Variants in COL4A4 observed in about 807,000 individuals in gnomAD.
COL4A4 encodes the protein collagen type IV alpha 4 chain.
Under a neutral mutation model 192.9 loss-of-function variants are expected in COL4A4, and 105 were observed. That is an observed-to-expected ratio of 0.54 (90% CI 0.46 to 0.64). The LOEUF is 0.64. COL4A4 is among the 30% of genes least tolerant of loss of function. The pLI is 0.00. For synonymous variants in COL4A4, 762 were observed against 769.9 expected, an observed-to-expected ratio of 0.99 and a Z score of 0.17; for missense variants, 1,967 against 2,169.3, an observed-to-expected ratio of 0.91 and a Z score of 1.85.
chr2:227,030,916 AGATGGATGGATGGATG>A lies in COL4A4; in HGVS notation c.3818-334_3818-319del, dbSNP rs10689496. Among the ~76,000 whole-genome samples, 603 of 145,898 alleles carry A rather than the reference AGATGGATGGATGGATG, an allele frequency of 4.1e-3. 2 individuals carry two copies. The highest frequency in any genetic ancestry group is 5.9e-3 in the Non-Finnish European group (391 of 66,442). The stretch of plus-strand genomic sequence containing the variant: ...GCATTGCCATCTTACTGCTTTAATA[AGATGGATGGATGGATG>A]GATGGATGGATGGATGGATGGATGG... On this transcript the variant is annotated intron_variant, in intron 40 of 47. Coordinates refer to ENST00000396625, the MANE Select transcript of COL4A4 (RefSeq NM_000092.5).
chr2:227,089,880 T>C lies in COL4A4; in HGVS notation c.1447A>G (p.Lys483Glu). ...GGTGCCTACTTGCCTTTTTCTCCTT[T>C]TGGGCCTCTTCCTCCTGGGGGACCA... is the stretch of plus-strand genomic sequence containing the variant. Reference protein sequence around the residue: ...KVGPPGGRGPKGEKGNEGLCA... With the variant: ...KVGPPGGRGPEGEKGNEGLCA... Residue 483 changes from lysine (K) to glutamate (E), a missense_variant, in exon 21 of 48, where the codon AAA (lysine) becomes GAA (glutamate). Transcript: ENST00000396625. 6.2e-7 allele frequency: 1 copy of C among 1,613,520 alleles called. No homozygotes were observed. The highest frequency in any genetic ancestry group is 8.5e-7 in the Non-Finnish European group (1 of 1,179,602).
chr2:227,093,605 C>G (rs983893730), intron 20 of COL4A4, among the ~76,000 whole-genome samples: 1 of 151,976 alleles, frequency 6.6e-6, no homozygotes, highest in East Asian at 1.9e-4. Context: ...TGATCTCATC[C>G]CCAGCCCCCT....
At chr2:227,047,597 G>A (rs752242489) in intron 34 of COL4A4, 48 bp from the exon 35 acceptor site, 15 of 1,313,414 alleles carry the variant, frequency 1.1e-5, no homozygotes, top group Non-Finnish European at 1.5e-5. Flanking sequence ...AATTTAATTT[G>A]GTCTCATACA....
chr2:226,998,962 T>C (rs771666777), downstream of COL4A4: 12 of 152,328 alleles, frequency 7.9e-5, no homozygotes, highest in African/African-American at 1.2e-4. Context: ...TTCCTCTCTC[T>C]TGGCCCATTC....
rs184493024 is a variant in COL4A4 at position 227,083,207 on chromosome 2, T to C, written c.1624-1020A>G. On this transcript the variant is annotated intron_variant, in intron 22 of 47. Transcript: ENST00000396625. The stretch of plus-strand genomic sequence containing the variant: ...TCGTGCCACTGTACTCCAGCCTGGG[T>C]GACAGAGCAAGACTCTGTGTCAAAA... Among the ~76,000 whole-genome samples the C allele has an allele frequency of 7.9e-5, 12 of 152,198 alleles. No individual in the cohort carries two copies. The East Asian group carries it at 1.9e-3, about 24-fold the overall frequency.
chr2:227,097,789 T>C (rs1211534206), intron 19 of COL4A4, among the ~76,000 whole-genome samples: 1 of 152,214 alleles, frequency 6.6e-6, no homozygotes, highest in African/African-American at 2.4e-5. Flanking sequence ...GAAAGCTAGA[T>C]TCATGGAAGA....
intron 25 of COL4A4, among the ~76,000 whole-genome samples, chr2:227,070,626 A>G (rs2150390959): frequency 6.6e-6 from 1 of 150,382 alleles, no homozygotes; most frequent in African/African-American, 2.4e-5. Context: ...AGAACAAAAA[A>G]CCAAACACCA....
intron 25 of COL4A4, among the ~76,000 whole-genome samples, chr2:227,070,349 A>C (rs1373932214): frequency 0.011 from 1,735 of 151,920 alleles, 32 homozygotes; most frequent in African/African-American, 0.04. Context: ...TACCATTTGA[A>C]CCAGCCATCC....
chr2:227,151,794 C>T (rs1036530579), intron 1 of COL4A4, among the ~76,000 whole-genome samples: 3 of 152,184 alleles, frequency 2.0e-5, no homozygotes, highest in African/African-American at 7.2e-5. Context: ...CCCCTTCCTT[C>T]CACCATGTGA....
intron 42 of COL4A4, 154 bp downstream of exon 42, chr2:227,027,748 T>C: frequency 1.7e-6 from 1 of 597,790 alleles, no homozygotes; most frequent in South Asian, 2.5e-5. Flanking sequence ...ACATGAGACT[T>C]TGTAGTGCGG....
chr2:226,993,778 C>T, the COL4A4 span, among the ~76,000 whole-genome samples: 6 of 152,144 alleles, frequency 3.9e-5, no homozygotes, highest in Non-Finnish European at 7.4e-5. Flanking sequence ...TTGAATTTCT[C>T]TTTGACAACG....
At chr2:227,113,420 CA>C (rs1230505496) in intron 8 of COL4A4, among the ~76,000 whole-genome samples, 1 of 151,968 alleles carries the variant, frequency 6.6e-6, no homozygotes, top group Non-Finnish European at 1.5e-5. Flanking sequence ...ACCACAATTA[CA>C]AAAAAATGCT....
At chr2:227,020,880 C>CTTTTTTTTTTTTTTTTTTTTTTTTT (rs57119611) in intron 44 of COL4A4, among the ~76,000 whole-genome samples, 1 of 127,598 alleles carries the variant, frequency 7.8e-6, no homozygotes. Context: ...ACACTTTTTT[C>CTTTTTTTTTTTTTTTTTTTTTTTTT]TTTTTTTTTT....
intron 25 of COL4A4, among the ~76,000 whole-genome samples, chr2:227,064,813 G>C (rs1489647863): frequency 1.3e-5 from 2 of 152,170 alleles, no homozygotes; most frequent in Non-Finnish European, 2.9e-5. Flanking sequence ...GAGAAATAAA[G>C]TCATTTTCAG....
At chr2:227,163,865 C>T (rs1180025290) in intron 1 of COL4A4, 142 bp downstream of exon 1, 1 of 152,572 alleles carries the variant, frequency 6.6e-6, no homozygotes, top group Non-Finnish European at 1.5e-5. Flanking sequence ...GAGCCAGACG[C>T]GCTCTCCTCT....
chr2:227,027,245 G>A (rs1383062998), intron 42 of COL4A4, among the ~76,000 whole-genome samples: 4 of 118,500 alleles, frequency 3.4e-5, no homozygotes, highest in Non-Finnish European at 6.8e-5. Context: ...GAGCAAGACT[G>A]TCTCAAAAAA....
chr2:227,143,795 A>G (rs2063376149), intron 3 of COL4A4, among the ~76,000 whole-genome samples: 1 of 152,232 alleles, frequency 6.6e-6, no homozygotes, highest in Admixed American at 6.5e-5. Context: ...ACAGGAGATA[A>G]CTGAGTCTTA....
At chr2:227,162,651 T>C (rs923691108) in intron 1 of COL4A4, among the ~76,000 whole-genome samples, 6 of 152,220 alleles carry the variant, frequency 3.9e-5, no homozygotes, top group Non-Finnish European at 7.3e-5. Flanking sequence ...ATTATTCTAC[T>C]AAGAATATAT....
downstream of COL4A4, among the ~76,000 whole-genome samples, chr2:227,001,578 GA>G (rs996811320): frequency 3.9e-5 from 6 of 152,182 alleles, no homozygotes. Flanking sequence ...CACGAATGGG[GA>G]AAGCCGCTGG....
Sources: allele counts gnomAD v4.1 joint callset (sites outside exome capture counted in the v4.1 genomes callset), GRCh38; gene constraint gnomAD v4.1.1; transcripts MANE v1.5; gene names NCBI Gene and HGNC (gene_info 2026-07-23, HGNC 2026-07-21).